RGS8: variants seen among roughly 807,000 people sequenced by gnomAD.
RGS8 encodes regulator of G protein signaling 8.
A neutral mutation model predicts 21.7 loss-of-function variants in RGS8; 8 were observed. That is an observed-to-expected ratio of 0.37 (90% CI 0.22 to 0.66). The LOEUF (loss-of-function observed/expected upper bound fraction) is 0.66, where lower values mean the gene tolerates loss of function less well. RGS8 is among the 30% of genes least tolerant of loss of function. The pLI is 0.59. For synonymous variants in RGS8, 80 were observed against 83.6 expected (o/e 0.96, Z 0.24); for missense variants, 157 against 217.9 (o/e 0.72, Z 1.76).
upstream of RGS8, among the ~76,000 whole-genome samples, chr1:182,675,910 C>T (rs1664340494): frequency 6.6e-6 from 1 of 152,142 alleles, no homozygotes; most frequent in South Asian, 2.1e-4. Flanking sequence ...TATTAATTCT[C>T]ATTAACTCAC....
the RGS8 span, among the ~76,000 whole-genome samples, chr1:182,719,590 C>T: frequency 1.3e-5 from 2 of 151,480 alleles, no homozygotes; most frequent in African/African-American, 2.4e-5. Flanking sequence ...ACCACTGCAC[C>T]CTGCTTCCCC....
chr1:182,675,511 C>G (rs1017873293), upstream of RGS8, among the ~76,000 whole-genome samples: 12 of 152,188 alleles, frequency 7.9e-5, no homozygotes, highest in African/African-American at 2.9e-4. Flanking sequence ...ATCATCTGTG[C>G]AATCATCTTT....
At chr1:182,655,763 G>A (rs1663244405) in intron 5 of RGS8, among the ~76,000 whole-genome samples, 1 of 152,184 alleles carries the variant, frequency 6.6e-6, no homozygotes, top group Non-Finnish European at 1.5e-5. Flanking sequence ...AAATTAGCCT[G>A]TATCAGACAC....
the RGS8 span, among the ~76,000 whole-genome samples, chr1:182,722,836 G>A: frequency 1.3e-5 from 2 of 151,950 alleles, no homozygotes; most frequent in Non-Finnish European, 2.9e-5. Flanking sequence ...AAATTAGCCG[G>A]GCTTGGTTGC....
the RGS8 span, among the ~76,000 whole-genome samples, chr1:182,720,913 G>GTGTA: frequency 0.072 from 6,867 of 95,612 alleles, 733 homozygotes; most frequent in African/African-American, 0.14. Flanking sequence ...ATATGTGTGT[G>GTGTA]TATATACATA....
Position 182,658,937 on chromosome 1 carries a change from G to A in RGS8, c.193+7032C>T, listed in dbSNP as rs564930371. 9.8e-5 allele frequency among the ~76,000 whole-genome samples: 15 copies of A among 152,314 alleles called. No individual in the cohort carries two copies. In the South Asian group the frequency reaches 3.1e-3, roughly 32 times the overall value. On this transcript the variant is annotated intron_variant, in intron 5 of 6. Transcript: ENST00000483095. Reference sequence around the variant, plus strand: ...CTATTTCCAGTTGTGACATTTTATTGGCAACCATTTGATATGCTAATTATA... The same window carrying A: ...CTATTTCCAGTTGTGACATTTTATTAGCAACCATTTGATATGCTAATTATA...
At chr1:182,708,011 A>T in the RGS8 span, among the ~76,000 whole-genome samples, 4 of 152,100 alleles carry the variant, frequency 2.6e-5, no homozygotes, top group African/African-American at 9.7e-5. Context: ...TTTTATGGGG[A>T]TTATTTCTTT....
chr1:182,740,937 G>C, the RGS8 span, among the ~76,000 whole-genome samples: 1 of 152,062 alleles, frequency 6.6e-6, no homozygotes, highest in Non-Finnish European at 1.5e-5. Flanking sequence ...AAAATGAAAA[G>C]TCTCCCATGT....
At chr1:182,700,178 C>G in the RGS8 span, among the ~76,000 whole-genome samples, 1 of 152,214 alleles carries the variant, frequency 6.6e-6, no homozygotes. Flanking sequence ...AGGGGGATCC[C>G]TCGGCGGTTA....
At chr1:182,668,900 G>A (rs1401045305) in intron 3 of RGS8, among the ~76,000 whole-genome samples, 1 of 152,182 alleles carries the variant, frequency 6.6e-6, no homozygotes, top group Non-Finnish European at 1.5e-5. Context: ...CTGCCCCACA[G>A]ACCAAAGCCC....
chr1:182,729,839 A>C, the RGS8 span, among the ~76,000 whole-genome samples: 3 of 152,220 alleles, frequency 2.0e-5, no homozygotes, highest in African/African-American at 7.2e-5. Flanking sequence ...GAAAAATTTT[A>C]AGGTTGCCAA....
chr1:182,741,204 C>T, the RGS8 span, among the ~76,000 whole-genome samples: 1 of 146,418 alleles, frequency 6.8e-6, no homozygotes, highest in Non-Finnish European at 1.5e-5. Context: ...CACCTCCCTC[C>T]TGGACGGGGC....
At chr1:182,729,665 T>A in the RGS8 span, among the ~76,000 whole-genome samples, 1 of 152,216 alleles carries the variant, frequency 6.6e-6, no homozygotes, top group South Asian at 2.1e-4. Flanking sequence ...AAAAATCTTA[T>A]ATAGATTTAA....
the RGS8 span, among the ~76,000 whole-genome samples, chr1:182,741,140 G>A: frequency 9.2e-5 from 13 of 140,870 alleles, no homozygotes; most frequent in South Asian, 7.0e-4. Flanking sequence ...GCCGGGCAGA[G>A]GCGCCCCTCA....
At chr1:182,661,947 C>A (rs1304363927) in intron 5 of RGS8, among the ~76,000 whole-genome samples, 1 of 152,132 alleles carries the variant, frequency 6.6e-6, no homozygotes, top group Non-Finnish European at 1.5e-5. Context: ...AGAAATCCTT[C>A]CCTATTTAAT....
exon 1 of RGS8, chr1:182,671,906 G>C: frequency 6.8e-7 from 1 of 1,465,180 alleles, no homozygotes; most frequent in Non-Finnish European, 9.0e-7. Flanking sequence ...CTCTCTGCTT[G>C]TCACATCCAG....
At chr1:182,674,186 G>A (rs1018460211), upstream of RGS8, among the ~76,000 whole-genome samples, 11 of 152,282 alleles carry the variant, frequency 7.2e-5, no homozygotes, top group South Asian at 1.2e-3. Flanking sequence ...ACGCTGCCCC[G>A]GCCAGTGTCC....
chr1:182,742,856 C>G, the RGS8 span, among the ~76,000 whole-genome samples: 1 of 152,122 alleles, frequency 6.6e-6, no homozygotes, highest in African/African-American at 2.4e-5. Flanking sequence ...TAAGAAGGAA[C>G]CTGAATGGTA....
intron 5 of RGS8, among the ~76,000 whole-genome samples, chr1:182,662,747 T>C (rs1229931578): frequency 2.0e-5 from 3 of 152,184 alleles, no homozygotes; most frequent in African/African-American, 2.4e-5. Flanking sequence ...TCCTGTGTTA[T>C]TGGTATGCAT....
Sources: gnomAD v4.1 joint callset for allele counts (sites outside exome capture counted in the v4.1 genomes callset) on GRCh38, gnomAD v4.1.1 for gene constraint, MANE v1.5 for transcripts, NCBI Gene and HGNC (gene_info 2026-07-23, HGNC 2026-07-21) for gene names.